Variants in SCAI observed in about 807,000 individuals in gnomAD.
The protein encoded by SCAI is protein SCAI.
SCAI carries 24 observed loss-of-function variants against 92.2 expected under a neutral mutation model. The observed-to-expected ratio is 0.26, with a 90% CI of 0.19 to 0.37. The LOEUF (loss-of-function observed/expected upper bound fraction) is 0.37, where lower values mean the gene tolerates loss of function less well. Ranked by LOEUF, SCAI falls within the 10% of genes least tolerant of loss-of-function variation. The pLI, the probability that SCAI is intolerant of heterozygous loss-of-function variation, is 1.00. For missense variants in SCAI, 450 were observed against 736.2 expected (o/e 0.61, Z 4.50); for synonymous variants, 261 against 258.6 (o/e 1.01, Z -0.09).
intron 2 of SCAI, among the ~76,000 whole-genome samples, chr9:125,137,455 G>A (rs138210749): frequency 3.3e-5 from 5 of 152,302 alleles, no homozygotes; most frequent in East Asian, 3.9e-4. Context: ...AACAAAACAC[G>A]TATAGTCCCC....
intron 14 of SCAI, among the ~76,000 whole-genome samples, chr9:124,993,054 A>G (rs183540154): frequency 4.4e-4 from 67 of 152,362 alleles, no homozygotes; most frequent in African/African-American, 1.3e-3. Flanking sequence ...ATGCTAGATC[A>G]TGTTAAACAA....
chr9:125,070,957 G>A (rs1037194765), intron 2 of SCAI, among the ~76,000 whole-genome samples: 4 of 152,046 alleles, frequency 2.6e-5, no homozygotes, highest in Non-Finnish European at 5.9e-5. Context: ...TCATGGGGGC[G>A]GTTTCCCCCA....
chr9:125,139,350 C>T (rs996194668), intron 2 of SCAI, among the ~76,000 whole-genome samples: 1 of 152,048 alleles, frequency 6.6e-6, no homozygotes, highest in Non-Finnish European at 1.5e-5. Flanking sequence ...GAAGTCAAGG[C>T]TCCAGTGAGC....
rs2131567576 is a variant in SCAI, at chr9:124,952,852, C to T, written c.1776G>A (p.Leu592=). 6.2e-7 allele frequency: 1 copy of T among 1,613,596 alleles called. No homozygotes were observed. Among genetic ancestry groups the T allele is most frequent in the Non-Finnish European group, 8.5e-7 (1 of 1,179,614 alleles). The change falls in exon 18 of 18, where the codon CTG becomes CTA. Residue 592 remains leucine (L), a synonymous_variant. Transcript: ENST00000336505. ...QKHILELASI[L]DVRNVFFENT... is the part of the protein sequence containing the mutation. ...TCTCAAAGAACACGTTTCGAACATCCAGAATGGATGCTAATTCCAAAATGT... is the reference window on the plus strand; with the variant it reads ...TCTCAAAGAACACGTTTCGAACATCTAGAATGGATGCTAATTCCAAAATGT...
chr9:125,107,279 T>A (rs1025230941), intron 2 of SCAI, among the ~76,000 whole-genome samples: 4 of 151,302 alleles, frequency 2.6e-5, no homozygotes, highest in Non-Finnish European at 5.9e-5. Flanking sequence ...GGTGGTGGTG[T>A]GGGCCTGTAG....
intron 14 of SCAI, among the ~76,000 whole-genome samples, chr9:124,990,232 T>C (rs1402139993): frequency 6.6e-6 from 1 of 151,916 alleles, no homozygotes; most frequent in African/African-American, 2.4e-5. Flanking sequence ...TTCACGCCTG[T>C]AATTCTAGCA....
In SCAI at chr9:125,029,822, A is replaced by G. The variant is rs919755059; in HGVS notation, c.231-83T>C. ...TGTCTTGTGATGGTACAAACCAGAC[A>G]GATGAAAAATGCTTGCATTCAGGCT... On this transcript the variant is annotated intron_variant, in intron 3 of 17. Coordinates refer to ENST00000336505, the MANE Select transcript of SCAI (RefSeq NM_001144877.3). The G allele has an allele frequency of 5.3e-6, 4 of 749,442 alleles. No homozygotes were observed. The Admixed American group carries it at 1.3e-4, about 25-fold the overall frequency. 46.4% of individuals were successfully genotyped at this position (749,442 alleles called of 1,614,324 possible).
chr9:125,080,162 A>G (rs191861542), intron 2 of SCAI, among the ~76,000 whole-genome samples: 103 of 152,260 alleles, frequency 6.8e-4, no homozygotes, highest in African/African-American at 2.3e-3. Flanking sequence ...CGCTCCAGAA[A>G]CTATGCCAGG....
intron 13 of SCAI, among the ~76,000 whole-genome samples, chr9:124,998,164 C>T (rs1832282728): frequency 2.0e-5 from 3 of 151,868 alleles, no homozygotes; most frequent in Admixed American, 1.3e-4. Context: ...ACCAACAAAA[C>T]CTTGTATTAA....
intron 10 of SCAI, 47 bp from the exon 11 acceptor site, chr9:125,003,262 A>G (rs371682014): frequency 2.1e-6 from 3 of 1,414,030 alleles, no homozygotes; most frequent in Non-Finnish European, 3.0e-6. Context: ...TGCATTTGAC[A>G]AATGAATTAT....
chr9:124,995,618 G>A (rs147694988), intron 13 of SCAI, among the ~76,000 whole-genome samples: 1 of 152,036 alleles, frequency 6.6e-6, no homozygotes, highest in East Asian at 1.9e-4. Flanking sequence ...GCCTCCTTGA[G>A]TAGCTGGGAC....
At chr9:124,963,742 A>C (rs1189122384) in intron 17 of SCAI, among the ~76,000 whole-genome samples, 1 of 114,666 alleles carries the variant, frequency 8.7e-6, no homozygotes, top group Admixed American at 1.2e-4. Flanking sequence ...TGGGCAACAG[A>C]GTGAGAATCT....
Position 125,090,946 on chromosome 9 carries a change from G to A in SCAI, c.99-34939C>T, listed in dbSNP as rs928722054. 1.6e-4 allele frequency among the ~76,000 whole-genome samples: 24 copies of A among 152,154 alleles called. No individual in the cohort carries two copies. The Middle Eastern group carries it at 0.01, about 65-fold the overall frequency. ...ATCCTGGCCAACATGGTGAAACCCCGTCTCTACTAAAAATACAAAAAAATA... is the reference window on the plus strand; with the variant it reads ...ATCCTGGCCAACATGGTGAAACCCCATCTCTACTAAAAATACAAAAAAATA... On this transcript the variant is annotated intron_variant, in intron 2 of 17. Transcript: ENST00000336505.
At chr9:125,143,312 G>C in intron 1 of SCAI, 73 bp downstream of exon 1, 1 of 592,670 alleles carries the variant, frequency 1.7e-6, no homozygotes, top group Non-Finnish European at 2.2e-6. Flanking sequence ...CCACCGCCCC[G>C]AGCCGCTGCC....
At chr9:125,068,660 T>C (rs958379527) in intron 2 of SCAI, among the ~76,000 whole-genome samples, 3 of 152,006 alleles carry the variant, frequency 2.0e-5, no homozygotes, top group African/African-American at 7.2e-5. Context: ...CCATCTCAAT[T>C]ATTCTCTAAA....
chr9:125,054,522 AT>A lies in SCAI; in HGVS notation c.230+1353del, dbSNP rs1202850261. ...GCCAATTAAATGTTGAAGAAAAAAA[AT>A]ATACCTGGAAGGCAAAGAGAAAAAA... On this transcript the variant is annotated intron_variant, in intron 3 of 17. Transcript: ENST00000336505. Among the ~76,000 whole-genome samples the A allele has an allele frequency of 3.3e-5, 5 of 152,278 alleles. No homozygotes were observed. The East Asian group carries it at 9.6e-4, about 29-fold the overall frequency.
At chr9:124,965,813 C>T (rs982332024) in intron 17 of SCAI, among the ~76,000 whole-genome samples, 1 of 152,132 alleles carries the variant, frequency 6.6e-6, no homozygotes, top group African/African-American at 2.4e-5. Context: ...TTCTTGGGAG[C>T]ACTTGAAGCA....
At chr9:125,003,420 G>C in intron 10 of SCAI, 49 bp downstream of exon 10, 1 of 1,256,180 alleles carries the variant, frequency 8.0e-7, no homozygotes, top group Non-Finnish European at 1.2e-6. Context: ...CAACAGGAGA[G>C]ACGCAGCCAG....
intron 15 of SCAI, among the ~76,000 whole-genome samples, chr9:124,972,226 C>T (rs1274350021): frequency 6.6e-6 from 1 of 152,134 alleles, no homozygotes; most frequent in African/African-American, 2.4e-5. Context: ...CTGCTCTTTC[C>T]CTTCCTATCT....
Sources: allele counts gnomAD v4.1 joint callset (sites outside exome capture counted in the v4.1 genomes callset), GRCh38; gene constraint gnomAD v4.1.1; transcripts MANE v1.5; gene names NCBI Gene and HGNC (gene_info 2026-07-23, HGNC 2026-07-21).